ADARB1: variants seen among roughly 807,000 people sequenced by gnomAD.
ADARB1 encodes adenosine deaminase RNA specific B1.
In ADARB1, 10 loss-of-function variants were observed where a neutral mutation model predicts 52.4. The observed-to-expected ratio is 0.19, with a 90% CI of 0.12 to 0.32. The LOEUF is 0.32. Among genes scored for constraint, ADARB1 ranks in the 10% least tolerant of loss-of-function variants. The pLI, the probability that ADARB1 is intolerant of heterozygous loss-of-function variation, is 1.00. For missense variants in ADARB1, 643 were observed against 922.3 expected (o/e 0.70, Z 3.92); for synonymous variants, 349 against 371.1 (o/e 0.94, Z 0.68).
chr21:45,168,199 G>A (rs1211530100), intron 2 of ADARB1, among the ~76,000 whole-genome samples: 1 of 151,882 alleles, frequency 6.6e-6, no homozygotes, highest in African/African-American at 2.4e-5. Context: ...ATATTTTACT[G>A]TTGAGCTTTG....
chr21:45,210,070 C>T (rs776053881), intron 9 of ADARB1, among the ~76,000 whole-genome samples: 7 of 152,238 alleles, frequency 4.6e-5, no homozygotes, highest in Admixed American at 2.0e-4. Context: ...GGCCGCCACA[C>T]GGCTCCGTCT....
chr21:45,140,887 C>A (rs2089685120), intron 2 of ADARB1, among the ~76,000 whole-genome samples: 2 of 152,142 alleles, frequency 1.3e-5, no homozygotes, highest in African/African-American at 4.8e-5. Context: ...TTTTGTACAT[C>A]TTTTGCAATT....
intron 1 of ADARB1, among the ~76,000 whole-genome samples, chr21:45,083,297 C>G (rs1295030342): frequency 6.6e-6 from 1 of 152,232 alleles, no homozygotes; most frequent in African/African-American, 2.4e-5. Flanking sequence ...TTTGCTGCCT[C>G]CCTACACTGC....
chr21:45,075,973 G>A (rs568122151), intron 1 of ADARB1, among the ~76,000 whole-genome samples: 20 of 152,190 alleles, frequency 1.3e-4, no homozygotes, highest in Non-Finnish European at 2.8e-4. Flanking sequence ...ATACAAATAT[G>A]TATTTAATCC....
chr21:45,078,159 G>A (rs1012543410), intron 1 of ADARB1, among the ~76,000 whole-genome samples: 1 of 152,074 alleles, frequency 6.6e-6, no homozygotes, highest in Non-Finnish European at 1.5e-5. Flanking sequence ...TTTGGTTTTA[G>A]GTTTAACGTC....
At chr21:45,109,974 G>T (rs906619387) in intron 1 of ADARB1, among the ~76,000 whole-genome samples, 3 of 152,142 alleles carry the variant, frequency 2.0e-5, no homozygotes, top group Admixed American at 1.3e-4. Context: ...CTCTAGTCAC[G>T]CTTCAGCTGC....
chr21:45,198,484 CTATTA>C (rs1178441422), intron 8 of ADARB1, among the ~76,000 whole-genome samples: 1 of 32,126 alleles, frequency 3.1e-5, no homozygotes. Flanking sequence ...AGAACTCTGC[CTATTA>C]AATTAAATCA....
At chr21:45,097,027 C>T (rs981442107) in intron 1 of ADARB1, among the ~76,000 whole-genome samples, 2 of 152,258 alleles carry the variant, frequency 1.3e-5, no homozygotes, top group African/African-American at 4.8e-5. Flanking sequence ...GTGTGAGCCA[C>T]TGCGCCCAGC....
intron 1 of ADARB1, among the ~76,000 whole-genome samples, chr21:45,080,177 G>C (rs2086098455): frequency 6.6e-6 from 1 of 152,206 alleles, no homozygotes. Flanking sequence ...CATCAGTGTA[G>C]ACGACTCTCT....
intron 2 of ADARB1, among the ~76,000 whole-genome samples, chr21:45,131,248 G>A (rs2088913964): frequency 1.3e-5 from 2 of 152,290 alleles, no homozygotes; most frequent in South Asian, 4.1e-4. Context: ...AGGCAGATGT[G>A]GGGTAGGTAC....
At chr21:45,185,204 G>C in intron 8 of ADARB1, 113 bp downstream of exon 8, 1 of 1,363,598 alleles carries the variant, frequency 7.3e-7, no homozygotes, top group Non-Finnish European at 1.0e-6. Context: ...TTCCCACTCA[G>C]GTGTTCCACA....
intron 2 of ADARB1, among the ~76,000 whole-genome samples, chr21:45,153,545 C>T (rs1221271419): frequency 6.6e-6 from 1 of 152,162 alleles, no homozygotes; most frequent in African/African-American, 2.4e-5. Flanking sequence ...CATGCTGTGG[C>T]AGGAGATGGC....
intron 2 of ADARB1, among the ~76,000 whole-genome samples, chr21:45,155,843 C>T (rs1261638541): frequency 1.5e-5 from 2 of 137,596 alleles, no homozygotes; most frequent in Non-Finnish European, 3.1e-5. Context: ...TCCATCCACC[C>T]ACCCACCCAT....
chr21:45,149,923 A>C (rs2145941121), intron 2 of ADARB1, among the ~76,000 whole-genome samples: 1 of 152,364 alleles, frequency 6.6e-6, no homozygotes, highest in East Asian at 1.9e-4. Flanking sequence ...CGAAGTCTAA[A>C]GTACTTACTC....
At chr21:45,110,229 A>G (rs539835853) in intron 1 of ADARB1, among the ~76,000 whole-genome samples, 3 of 152,236 alleles carry the variant, frequency 2.0e-5, no homozygotes, top group Non-Finnish European at 4.4e-5. Context: ...TCATGCTTGG[A>G]AAGAGGTGGA....
intron 2 of ADARB1, among the ~76,000 whole-genome samples, chr21:45,164,080 TC>T (rs1408857930): frequency 4.8e-4 from 73 of 152,334 alleles, no homozygotes; most frequent in Non-Finnish European, 1.5e-4. Context: ...TCATGCTTTT[TC>T]CTTCTGGTGA....
chr21:45,135,724 G>A lies in ADARB1; in HGVS notation c.-48+7151G>A, dbSNP rs192299392. 3.2e-3 allele frequency among the ~76,000 whole-genome samples: 486 copies of A among 152,294 alleles called. 4 individuals are homozygous for A. Among genetic ancestry groups the A allele is most frequent in the Middle Eastern group, 0.014 (4 of 294 alleles). On this transcript the variant is annotated intron_variant, in intron 2 of 10. Transcript: ENST00000348831. ...CTGACAAGTCTGCCATCCACATTTC[G>A]AAATGTATTAGAAAAATTGGAAAAA...
intron 8 of ADARB1, among the ~76,000 whole-genome samples, chr21:45,195,127 G>A (rs138925691): frequency 1.3e-5 from 2 of 152,136 alleles, no homozygotes; most frequent in African/African-American, 4.8e-5. Context: ...GTAGTATCTC[G>A]TTTTAATTTG....
At chr21:45,206,518 G>A (rs1011216317) in intron 9 of ADARB1, among the ~76,000 whole-genome samples, 4 of 145,058 alleles carry the variant, frequency 2.8e-5, no homozygotes, top group South Asian at 2.2e-4. Flanking sequence ...CAAAGTTACT[G>A]ATGCTGCTGT....
Sources: allele counts gnomAD v4.1 joint callset (sites outside exome capture counted in the v4.1 genomes callset), GRCh38; gene constraint gnomAD v4.1.1; transcripts MANE v1.5; gene names NCBI Gene and HGNC (gene_info 2026-07-23, HGNC 2026-07-21).